Variants in MYO16 observed in about 807,000 individuals in gnomAD.
MYO16 encodes unconventional myosin-XVI.
MYO16 carries 94 observed loss-of-function variants against 205.3 expected under a neutral mutation model. The ratio of observed to expected loss-of-function variants is 0.46; its 90% confidence interval spans 0.39 to 0.54. The LOEUF (loss-of-function observed/expected upper bound fraction) is 0.54, where lower values mean the gene tolerates loss of function less well. MYO16 is among the 20% of genes least tolerant of loss of function. The probability of loss-of-function intolerance (pLI) is 0.00; values close to 1 mark genes in which losing one functional copy is unlikely to be tolerated. For missense variants in MYO16, 2,315 were observed against 2,387.5 expected, an observed-to-expected ratio of 0.97 and a Z score of 0.63; for synonymous variants, 988 against 954.0, an observed-to-expected ratio of 1.04 and a Z score of -0.66.
At chr13:108,584,155 G>A in the MYO16 span, among the ~76,000 whole-genome samples, 4 of 151,996 alleles carry the variant, frequency 2.6e-5, no homozygotes, top group East Asian at 5.8e-4. Flanking sequence ...AGTTTTCACC[G>A]GGTTAGCCAG....
At chr13:109,163,275 G>C (rs1276376796) in intron 32 of MYO16, among the ~76,000 whole-genome samples, 2 of 152,156 alleles carry the variant, frequency 1.3e-5, no homozygotes, top group African/African-American at 4.8e-5. Flanking sequence ...GAGAGGGCTT[G>C]AGTGCACCAA....
chr13:108,666,397 A>C (rs1881732817), intron 2 of MYO16, among the ~76,000 whole-genome samples: 1 of 152,008 alleles, frequency 6.6e-6, no homozygotes, highest in South Asian at 2.1e-4. Flanking sequence ...TTTTTTTTTA[A>C]AGAATTAGCT....
At chr13:108,742,185 G>A (rs1012692673) in intron 4 of MYO16, among the ~76,000 whole-genome samples, 1 of 151,972 alleles carries the variant, frequency 6.6e-6, no homozygotes, top group African/African-American at 2.4e-5. Context: ...GTAGAGACGG[G>A]TTTTCACCAT....
intron 27 of MYO16, among the ~76,000 whole-genome samples, chr13:109,082,830 A>G (rs1209604048): frequency 6.6e-6 from 1 of 152,074 alleles, no homozygotes; most frequent in African/African-American, 2.4e-5. Context: ...GGTACCAAGC[A>G]GAAGATAATG....
At chr13:109,042,080 T>A (rs1002801001) in intron 23 of MYO16, among the ~76,000 whole-genome samples, 21 of 152,198 alleles carry the variant, frequency 1.4e-4, no homozygotes, top group African/African-American at 4.8e-4. Context: ...ACCAGGCTGA[T>A]CTCGAACTCT....
chr13:109,116,902 G>T (rs867142320), intron 28 of MYO16, among the ~76,000 whole-genome samples: 2 of 152,138 alleles, frequency 1.3e-5, no homozygotes, highest in African/African-American at 4.8e-5. Flanking sequence ...CTGTTCTCCA[G>T]TCCCCTGGTG....
intron 15 of MYO16, among the ~76,000 whole-genome samples, chr13:108,898,419 G>A (rs1594379363): frequency 6.7e-6 from 1 of 150,356 alleles, no homozygotes; most frequent in Non-Finnish European, 1.5e-5. Context: ...GGTGATAAGT[G>A]CTGAAGTTAT....
chr13:108,732,292 A>C (rs1884548736), intron 4 of MYO16, among the ~76,000 whole-genome samples: 1 of 152,226 alleles, frequency 6.6e-6, no homozygotes, highest in East Asian at 1.9e-4. Context: ...AAGCAGAAAA[A>C]GCCCTGCCTT....
At chr13:108,535,886 C>G in the MYO16 span, among the ~76,000 whole-genome samples, 5 of 152,002 alleles carry the variant, frequency 3.3e-5, no homozygotes, top group South Asian at 2.1e-4. Flanking sequence ...GTCTTAATAC[C>G]CTTTCTTCTG....
chr13:109,137,573 G>A (rs984048536), intron 31 of MYO16, among the ~76,000 whole-genome samples: 1 of 152,084 alleles, frequency 6.6e-6, no homozygotes, highest in Non-Finnish European at 1.5e-5. Flanking sequence ...TGCACACTTT[G>A]GGTACTTTCT....
At chr13:108,804,819 G>A (rs1887065980) in intron 6 of MYO16, among the ~76,000 whole-genome samples, 1 of 152,198 alleles carries the variant, frequency 6.6e-6, no homozygotes, top group Non-Finnish European at 1.5e-5. Flanking sequence ...AGAGTCTCTA[G>A]TGAGTGAGCC....
chr13:109,003,089 T>C (rs2139465164), intron 21 of MYO16, among the ~76,000 whole-genome samples: 1 of 152,298 alleles, frequency 6.6e-6, no homozygotes, highest in African/African-American at 2.4e-5. Context: ...ATGGACACAT[T>C]ACACCAAAAT....
At chr13:108,878,091 G>T (rs894579353) in intron 12 of MYO16, among the ~76,000 whole-genome samples, 11 of 152,168 alleles carry the variant, frequency 7.2e-5, no homozygotes, top group Non-Finnish European at 1.5e-4. Flanking sequence ...GGTGCAGCCT[G>T]GTTGGTCATA....
At chr13:108,806,897 T>G (rs141980031) in intron 7 of MYO16, 93 bp downstream of exon 7, 3 of 948,540 alleles carry the variant, frequency 3.2e-6, no homozygotes, top group African/African-American at 3.4e-5. Flanking sequence ...AATTACGTAC[T>G]AATCATTATT....
At chr13:108,587,888 T>G in the MYO16 span, among the ~76,000 whole-genome samples, 1 of 147,266 alleles carries the variant, frequency 6.8e-6, no homozygotes, top group Non-Finnish European at 1.5e-5. Flanking sequence ...AGTTACCTTC[T>G]CAGAAAAGAC....
At chr13:108,552,950 A>G in the MYO16 span, among the ~76,000 whole-genome samples, 1 of 146,134 alleles carries the variant, frequency 6.8e-6, no homozygotes, top group Admixed American at 6.9e-5. Flanking sequence ...ATGAGGGTGG[A>G]GCCCTCGGTC....
At position 108,785,622 on chromosome 13, in the gene MYO16, T is replaced by G. The variant is rs777532083; in HGVS notation, c.508-13T>G. 6.5e-7 allele frequency: 1 copy of G among 1,535,610 alleles called. No individual in the cohort carries two copies. The highest frequency in any genetic ancestry group is 2.2e-5 in the East Asian group (1 of 44,480). ...CAGTATATATGATGTTATATTTTTTTCTTTTTATCTAGGCTGGAGCCAATG... is the reference window on the plus strand; with the variant it reads ...CAGTATATATGATGTTATATTTTTTGCTTTTTATCTAGGCTGGAGCCAATG... On this transcript the variant is annotated splice_polypyrimidine_tract_variant and intron_variant, in intron 4 of 34. Transcript: ENST00000457511.
the MYO16 span, among the ~76,000 whole-genome samples, chr13:108,571,122 T>C: frequency 6.6e-6 from 1 of 152,174 alleles, no homozygotes; most frequent in Non-Finnish European, 1.5e-5. Context: ...AGCAGTTTGT[T>C]CTGCAGTTGC....
At chr13:108,621,482 T>G (rs1879539464) in intron 1 of MYO16, among the ~76,000 whole-genome samples, 1 of 152,250 alleles carries the variant, frequency 6.6e-6, no homozygotes, top group African/African-American at 2.4e-5. Flanking sequence ...GTTCCATGCA[T>G]GGAGTAACAT....
Sources: allele counts gnomAD v4.1 joint callset (sites outside exome capture counted in the v4.1 genomes callset), GRCh38; gene constraint gnomAD v4.1.1; transcripts MANE v1.5; gene names NCBI Gene and HGNC (gene_info 2026-07-23, HGNC 2026-07-21).